The following TSC22D3 variants were observed in gnomAD, a reference collection of about 807,000 sequenced individuals.
The protein encoded by TSC22D3 is TSC22 domain family member 3, also known as TSC22 domain family protein 3.
A neutral mutation model predicts 11.1 loss-of-function variants in TSC22D3; 4 were observed. The ratio of observed to expected loss-of-function variants is 0.36; its 90% CI spans 0.18 to 0.83. The LOEUF is 0.83. Ranked by LOEUF, TSC22D3 falls within the 40% of genes least tolerant of loss-of-function variation. The pLI, the probability that TSC22D3 is intolerant of heterozygous loss-of-function variation, is 0.48. For synonymous variants in TSC22D3, 77 were observed against 70.3 expected (o/e 1.10, Z -0.48); for missense variants, 118 against 159.4 (o/e 0.74, Z 1.40).
At chrX:107,736,900 G>C (rs150371685) in intron 1 of TSC22D3, among the ~76,000 whole-genome samples, 1,827 of 111,729 alleles carry the variant, frequency 0.016, 35 homozygotes, top group African/African-American at 0.056. Flanking sequence ...AGTATGTGTT[G>C]AGATAAAGTC....
intron 1 of TSC22D3, among the ~76,000 whole-genome samples, chrX:107,763,779 C>T (rs1929547175): frequency 8.9e-6 from 1 of 112,393 alleles, no homozygotes; most frequent in Admixed American, 9.4e-5. Flanking sequence ...TCACTGGTCC[C>T]CAGGGCTAGC....
Position 107,754,063 on chromosome X carries a change from G to A in TSC22D3, c.320+21037C>T, listed in dbSNP as rs753558603. Among the ~76,000 whole-genome samples the A allele has an allele frequency of 1.5e-4, 17 of 110,660 alleles. No homozygotes were observed. The South Asian group carries it at 5.8e-3, about 38-fold the overall frequency. On this transcript the variant is annotated intron_variant, in intron 1 of 2. Coordinates refer to ENST00000372383, the MANE Select transcript of TSC22D3 (RefSeq NM_198057.3). ...CCCGAGTAGCTGGGATTACAGAAGC[G>A]TGCCACCACGCCTAGCTAATTTTTT... is the stretch of plus-strand genomic sequence containing the variant.
At chrX:107,725,438 C>T (rs1927574322) in intron 1 of TSC22D3, among the ~76,000 whole-genome samples, 1 of 111,512 alleles carries the variant, frequency 9.0e-6, no homozygotes, top group East Asian at 2.8e-4. Flanking sequence ...TTGGACGCAG[C>T]TCTTTTGACA....
chrX:107,763,815 A>T (rs1373837517), intron 1 of TSC22D3, among the ~76,000 whole-genome samples: 1 of 112,329 alleles, frequency 8.9e-6, no homozygotes, highest in Non-Finnish European at 1.9e-5. Context: ...ACTGTCATGG[A>T]CTATTTTTAG....
At chrX:107,715,839 C>T (rs900069687) in intron 2 of TSC22D3, 60 bp downstream of exon 2, 7 of 1,182,218 alleles carry the variant, frequency 5.9e-6, no homozygotes, top group Non-Finnish European at 6.9e-6. Flanking sequence ...CAATCCTGCC[C>T]AGAGTTACAT....
chrX:107,719,034 C>T (rs1164764448), intron 1 of TSC22D3, among the ~76,000 whole-genome samples: 1 of 112,063 alleles, frequency 8.9e-6, no homozygotes, highest in Admixed American at 9.5e-5. Context: ...AGAAAGTCTC[C>T]GAGCTGACCT....
At chrX:107,753,952 G>A (rs1173851370) in intron 1 of TSC22D3, among the ~76,000 whole-genome samples, 1 of 100,290 alleles carries the variant, frequency 1.0e-5, no homozygotes, top group East Asian at 3.1e-4. Context: ...GTCTTACTCT[G>A]TTGCCCAGGC....
At chrX:107,757,316 G>A (rs1929221805) in intron 1 of TSC22D3, among the ~76,000 whole-genome samples, 1 of 111,634 alleles carries the variant, frequency 9.0e-6, no homozygotes, top group Admixed American at 9.5e-5. Flanking sequence ...AATGTGGGAG[G>A]TCACAGGGTC....
At chrX:107,744,155 TG>T (rs1358993390) in intron 1 of TSC22D3, among the ~76,000 whole-genome samples, 2 of 112,258 alleles carry the variant, frequency 1.8e-5, no homozygotes, top group African/African-American at 6.5e-5. Flanking sequence ...GCTCAAGCCA[TG>T]GGCCAGGGCT....
intron 1 of TSC22D3, among the ~76,000 whole-genome samples, chrX:107,734,204 T>C (rs1928021129): frequency 8.9e-6 from 1 of 112,097 alleles, no homozygotes; most frequent in South Asian, 3.7e-4. Context: ...ACTGAGGGTT[T>C]TTGGGCTTTG....
At chrX:107,716,384 G>C (rs1232798839) in intron 1 of TSC22D3, 1 of 922,336 alleles carries the variant, frequency 1.1e-6, no homozygotes, top group Non-Finnish European at 1.3e-6. Context: ...AGCGGCGCAC[G>C]GCGCTCGGCC....
chrX:107,717,901 A>C (rs1927134748), intron 1 of TSC22D3, among the ~76,000 whole-genome samples: 1 of 112,034 alleles, frequency 8.9e-6, no homozygotes, highest in Non-Finnish European at 1.9e-5. Context: ...AAATACATTC[A>C]ACATTATCCA....
chrX:107,756,994 C>A (rs753501095), intron 1 of TSC22D3, among the ~76,000 whole-genome samples: 16 of 112,243 alleles, frequency 1.4e-4, no homozygotes, highest in Non-Finnish European at 2.8e-4. Context: ...AGAATCTGTT[C>A]CCCGGTGTTC....
chrX:107,761,883 G>A (rs1031916126), intron 1 of TSC22D3, among the ~76,000 whole-genome samples: 1 of 112,106 alleles, frequency 8.9e-6, no homozygotes, highest in Non-Finnish European at 1.9e-5. Context: ...TCACAGCGGG[G>A]CACTTGCAGT....
chrX:107,714,359 A>C lies in TSC22D3; in HGVS notation c.*160T>G, dbSNP rs1926895123. On this transcript the variant is annotated 3_prime_UTR_variant, in exon 3 of 3. Transcript: ENST00000372383. ...GCTCTTGTCAGGGGTCTGTCGCTGG[A>C]GTGGACCCAGGTGGCCATGTCCTTA... 2.1e-6 allele frequency: 1 copy of C among 467,293 alleles called. No individual in the cohort carries two copies. The highest frequency in any genetic ancestry group is 3.6e-6 in the Non-Finnish European group (1 of 278,374). 38.5% of individuals were successfully genotyped at this position (467,293 alleles called of 1,213,427 possible). A position where few individuals can be genotyped will look rare whatever the true frequency, so the allele number is the denominator to read the frequency against.
intron 1 of TSC22D3, among the ~76,000 whole-genome samples, chrX:107,735,563 G>A (rs185667714): frequency 1.8e-5 from 2 of 110,880 alleles, no homozygotes; most frequent in East Asian, 5.7e-4. Flanking sequence ...TTTGATTCCA[G>A]GACCAAGTAA....
At chrX:107,715,711 G>A in intron 2 of TSC22D3, 188 bp downstream of exon 2, 1 of 509,018 alleles carries the variant, frequency 2.0e-6, no homozygotes, top group Non-Finnish European at 3.5e-6. Context: ...CCCAGGAAGG[G>A]AAGACTGGAA....
At chrX:107,718,487 G>A (rs1039475980) in intron 1 of TSC22D3, among the ~76,000 whole-genome samples, 3 of 113,051 alleles carry the variant, frequency 2.7e-5, no homozygotes, top group Middle Eastern at 4.2e-3. Context: ...CCTCTTATCA[G>A]CAAAGAAGGT....
At chrX:107,768,890 C>A (rs1448423752) in intron 1 of TSC22D3, among the ~76,000 whole-genome samples, 1 of 112,821 alleles carries the variant, frequency 8.9e-6, no homozygotes, top group African/African-American at 3.2e-5. Context: ...CTCATGGATG[C>A]AATCTCCAAA....
Sources: gnomAD v4.1 joint callset for allele counts (sites outside exome capture counted in the v4.1 genomes callset) on GRCh38, gnomAD v4.1.1 for gene constraint, MANE v1.5 for transcripts, NCBI Gene and HGNC (gene_info 2026-07-23, HGNC 2026-07-21) for gene names.